Variants in TRIM44 observed in about 807,000 individuals in gnomAD.
TRIM44 encodes the protein tripartite motif-containing protein 44.
Under a neutral mutation model 37.4 loss-of-function variants are expected in TRIM44, and 13 were observed. The observed-to-expected ratio is 0.35, with a 90% CI of 0.23 to 0.55. The LOEUF (loss-of-function observed/expected upper bound fraction) is 0.55, where lower values mean the gene tolerates loss of function less well. Ranked by LOEUF, TRIM44 falls within the 20% of genes least tolerant of loss-of-function variation. The probability of loss-of-function intolerance (pLI) is 0.89; values close to 1 mark genes in which losing one functional copy is unlikely to be tolerated. For synonymous variants in TRIM44, 175 were observed against 157.2 expected (o/e 1.11, Z -0.85); for missense variants, 426 against 437.2 (o/e 0.97, Z 0.23).
chr11:35,669,487 T>C (rs969488742), intron 1 of TRIM44, among the ~76,000 whole-genome samples: 4 of 149,048 alleles, frequency 2.7e-5, no homozygotes, highest in African/African-American at 9.8e-5. Context: ...TTTATTTATT[T>C]ATTTAGAGAC....
At chr11:35,763,708 A>T (rs183670495) in intron 4 of TRIM44, among the ~76,000 whole-genome samples, 1 of 152,232 alleles carries the variant, frequency 6.6e-6, no homozygotes, top group Admixed American at 6.5e-5. Flanking sequence ...ATGTTACAAA[A>T]ACCTAGTTTT....
chr11:35,699,673 G>T (rs1422463837), intron 2 of TRIM44, among the ~76,000 whole-genome samples: 1 of 151,538 alleles, frequency 6.6e-6, no homozygotes, highest in Admixed American at 6.6e-5. Flanking sequence ...GTCCCTGTTT[G>T]CAGATGACAT....
At position 35,705,938 on chromosome 11, in the gene TRIM44, A is replaced by C. The variant is rs1487758757; in HGVS notation, c.748-19986A>C. Reference sequence around the variant, plus strand: ...GAGCAGAACTGAAGGAAACAGAGACACAAAAAAACCTTCAAAAAATTAATG... The same window carrying C: ...GAGCAGAACTGAAGGAAACAGAGACCCAAAAAAACCTTCAAAAAATTAATG... On this transcript the variant is annotated intron_variant, in intron 2 of 4. Coordinates refer to ENST00000299413, the MANE Select transcript of TRIM44 (RefSeq NM_017583.6). Among the ~76,000 whole-genome samples the C allele has an allele frequency of 1.2e-4, 18 of 149,020 alleles. 2 individuals carry two copies. The highest frequency in any genetic ancestry group is 7.5e-5 in the Non-Finnish European group (5 of 66,282).
chr11:35,760,549 A>C (rs1183847224), intron 4 of TRIM44, among the ~76,000 whole-genome samples: 1 of 152,176 alleles, frequency 6.6e-6, no homozygotes, highest in East Asian at 1.9e-4. Context: ...CCGGTACCTC[A>C]GTTGGAAATG....
At chr11:35,762,975 T>C (rs1286323836) in intron 4 of TRIM44, among the ~76,000 whole-genome samples, 4 of 152,206 alleles carry the variant, frequency 2.6e-5, no homozygotes, top group African/African-American at 9.6e-5. Context: ...GTGCCTTCTT[T>C]GTGCAAGGCA....
chr11:35,663,863 C>T (rs986565788), intron 1 of TRIM44, 83 bp downstream of exon 1: 65 of 1,463,418 alleles, frequency 4.4e-5, no homozygotes, highest in Non-Finnish European at 5.4e-5. Flanking sequence ...TGACCACATT[C>T]GCTTTCACTG....
At chr11:35,756,254 T>A (rs1239557691) in intron 4 of TRIM44, among the ~76,000 whole-genome samples, 2 of 152,180 alleles carry the variant, frequency 1.3e-5, no homozygotes, top group Non-Finnish European at 2.9e-5. Context: ...GGTATTGTAT[T>A]CTCTTTGAAG....
chr11:35,800,929 C>T (rs974704690), intron 4 of TRIM44, among the ~76,000 whole-genome samples: 1 of 152,190 alleles, frequency 6.6e-6, no homozygotes, highest in African/African-American at 2.4e-5. Flanking sequence ...AGGACTAGAA[C>T]TCTGGTATTT....
At chr11:35,663,920 T>C (rs1468557754) in intron 1 of TRIM44, 140 bp downstream of exon 1, 3 of 982,276 alleles carry the variant, frequency 3.1e-6, no homozygotes, top group Non-Finnish European at 4.4e-6. Context: ...GCAGTTCTTA[T>C]TCACCGTTTT....
At chr11:35,792,111 A>ACACACACACACACTCTCTCTCT (rs796092540) in intron 4 of TRIM44, among the ~76,000 whole-genome samples, 2 of 114,298 alleles carry the variant, frequency 1.7e-5, no homozygotes, top group Non-Finnish European at 3.7e-5. Flanking sequence ...ACACACACAC[A>ACACACACACACACTCTCTCTCT]CTCTCTCTCA....
chr11:35,727,643 C>T (rs1373488179), intron 3 of TRIM44, among the ~76,000 whole-genome samples: 1 of 152,106 alleles, frequency 6.6e-6, no homozygotes, highest in Non-Finnish European at 1.5e-5. Flanking sequence ...TTCATTTAAT[C>T]CTTACGTCAG....
At position 35,807,370 on chromosome 11, in the gene TRIM44, T is replaced by C. The variant is rs1317753561; in HGVS notation, c.*985T>C. 1 of 152,148 alleles carries C rather than the reference T, an allele frequency of 6.6e-6. No individual in the cohort carries two copies. The highest frequency in any genetic ancestry group is 2.4e-5 in the African/African-American group (1 of 41,424). The allele number at this position is 152,148 out of a possible 1,614,324, so 9.4% of individuals were successfully genotyped here. A position where few individuals can be genotyped will look rare whatever the true frequency, so the allele number is the denominator to read the frequency against. On this transcript the variant is annotated 3_prime_UTR_variant, in exon 5 of 5. Transcript: ENST00000299413. The stretch of plus-strand genomic sequence containing the variant: ...TGAATTCAGCTCATCTCCCAGCATA[T>C]AGATATATCCTCCTTTAACTCCGAC...
chr11:35,791,770 A>G (rs1382240379), intron 4 of TRIM44, among the ~76,000 whole-genome samples: 1 of 152,072 alleles, frequency 6.6e-6, no homozygotes, highest in Non-Finnish European at 1.5e-5. Flanking sequence ...CTGTAGGTGG[A>G]ATTTAGCACT....
chr11:35,671,425 A>G (rs1851392193), intron 1 of TRIM44, among the ~76,000 whole-genome samples: 1 of 152,212 alleles, frequency 6.6e-6, no homozygotes, highest in African/African-American at 2.4e-5. Flanking sequence ...GACTTTAACA[A>G]TGCTTAACAC....
chr11:35,788,152 G>A (rs1475731728), intron 4 of TRIM44, among the ~76,000 whole-genome samples: 1 of 152,148 alleles, frequency 6.6e-6, no homozygotes, highest in African/African-American at 2.4e-5. Flanking sequence ...TGAGCCGGAG[G>A]GTGGATGATG....
intron 2 of TRIM44, among the ~76,000 whole-genome samples, chr11:35,693,104 T>TG (rs996933733): frequency 1.2e-4 from 18 of 151,790 alleles, no homozygotes; most frequent in Non-Finnish European, 1.8e-4. Context: ...AAATCAGAAG[T>TG]GAGGTACAGA....
At chr11:35,712,006 C>T (rs1321654087) in intron 2 of TRIM44, among the ~76,000 whole-genome samples, 2 of 152,066 alleles carry the variant, frequency 1.3e-5, no homozygotes, top group Middle Eastern at 3.2e-3. Flanking sequence ...CCATTGATAC[C>T]TGTTTGAGTG....
At chr11:35,739,928 G>A (rs972046126) in intron 4 of TRIM44, among the ~76,000 whole-genome samples, 9 of 151,884 alleles carry the variant, frequency 5.9e-5, no homozygotes, top group African/African-American at 1.2e-4. Context: ...GTGAAACCCC[G>A]TCTCTATGAA....
chr11:35,794,378 C>A (rs1853254735), intron 4 of TRIM44, among the ~76,000 whole-genome samples: 1 of 152,214 alleles, frequency 6.6e-6, no homozygotes, highest in Admixed American at 6.5e-5. Context: ...AAACACACAG[C>A]TGTTTTATAG....
Sources: gnomAD v4.1 joint callset for allele counts (sites outside exome capture counted in the v4.1 genomes callset) on GRCh38, gnomAD v4.1.1 for gene constraint, MANE v1.5 for transcripts, NCBI Gene and HGNC (gene_info 2026-07-23, HGNC 2026-07-21) for gene names.